ARFIP1: variants seen among roughly 807,000 people sequenced by gnomAD.
ARFIP1 encodes arfaptin-1.
A neutral mutation model predicts 42.5 loss-of-function variants in ARFIP1; 24 were observed. The ratio of observed to expected loss-of-function variants is 0.57; its 90% CI spans 0.41 to 0.80. The LOEUF is 0.80. Ranked by LOEUF, ARFIP1 falls within the 30% of genes least tolerant of loss-of-function variation. The pLI, the probability that ARFIP1 is intolerant of heterozygous loss-of-function variation, is 0.00. For synonymous variants in ARFIP1, 141 were observed against 153.7 expected (o/e 0.92, Z 0.61); for missense variants, 354 against 434.0 (o/e 0.82, Z 1.64).
At chr4:152,844,785 T>G (rs1318266442) in intron 2 of ARFIP1, among the ~76,000 whole-genome samples, 1 of 152,216 alleles carries the variant, frequency 6.6e-6, no homozygotes. Context: ...ATAGCCATAC[T>G]GCCTAAAGCA....
intron 8 of ARFIP1, among the ~76,000 whole-genome samples, chr4:152,898,229 G>A (rs983336243): frequency 2.6e-5 from 4 of 151,844 alleles, no homozygotes; most frequent in Admixed American, 6.6e-5. Context: ...TGATCCACCC[G>A]CCTCGCCCTC....
chr4:152,812,511 C>A (rs1479614353), intron 1 of ARFIP1, among the ~76,000 whole-genome samples: 3 of 152,186 alleles, frequency 2.0e-5, no homozygotes, highest in Non-Finnish European at 1.5e-5. Flanking sequence ...TTTTAATGTT[C>A]CACACGATTC....
intron 1 of ARFIP1, among the ~76,000 whole-genome samples, chr4:152,815,505 T>C (rs6535878): frequency 0.96 from 146,515 of 152,292 alleles, 70,531 homozygotes; most frequent in Non-Finnish European, 0.98. Context: ...TTACCTTCTT[T>C]GCTTGCATAT....
intron 8 of ARFIP1, among the ~76,000 whole-genome samples, chr4:152,904,051 T>C (rs186608786): frequency 6.6e-6 from 1 of 151,872 alleles, no homozygotes; most frequent in Non-Finnish European, 1.5e-5. Context: ...TCTTTTTTTT[T>C]AAGTTATTTT....
intron 3 of ARFIP1, among the ~76,000 whole-genome samples, chr4:152,868,005 TG>T (rs1162316213): frequency 6.6e-6 from 1 of 152,180 alleles, no homozygotes; most frequent in African/African-American, 2.4e-5. Context: ...ATAGGTCTTA[TG>T]AAAAAATGTT....
chr4:152,796,315 C>T (rs1052305473), intron 1 of ARFIP1: 2 of 821,100 alleles, frequency 2.4e-6, no homozygotes, highest in Non-Finnish European at 2.0e-6. Context: ...TCTTGAAATG[C>T]AAGCCCATTG....
chr4:152,833,242 CAAAAAA>C (rs141860697), intron 2 of ARFIP1, among the ~76,000 whole-genome samples: 1 of 136,288 alleles, frequency 7.3e-6, no homozygotes, highest in Non-Finnish European at 1.6e-5. Flanking sequence ...AGACATTTTT[CAAAAAA>C]AAAAAAAAAG....
chr4:152,890,106 A>G (rs1736721528), intron 8 of ARFIP1, among the ~76,000 whole-genome samples: 1 of 151,926 alleles, frequency 6.6e-6, no homozygotes, highest in Non-Finnish European at 1.5e-5. Context: ...TAAAAGAGGT[A>G]TGCTAGAAGA....
intron 1 of ARFIP1, among the ~76,000 whole-genome samples, chr4:152,785,602 A>G (rs1011961683): frequency 2.6e-5 from 4 of 152,230 alleles, no homozygotes; most frequent in Non-Finnish European, 4.4e-5. Flanking sequence ...TGCATCCAGC[A>G]TAAGTATTAT....
chr4:152,851,630 G>T (rs4359885), intron 2 of ARFIP1, among the ~76,000 whole-genome samples: 1 of 152,216 alleles, frequency 6.6e-6, no homozygotes, highest in Non-Finnish European at 1.5e-5. Flanking sequence ...TCACATTTTA[G>T]AAAACTGTCT....
intron 1 of ARFIP1, among the ~76,000 whole-genome samples, chr4:152,820,509 C>T (rs1730283301): frequency 6.6e-6 from 1 of 152,184 alleles, no homozygotes; most frequent in South Asian, 2.1e-4. Context: ...CATGGTTCCA[C>T]AGCCTGTTCA....
intron 1 of ARFIP1, among the ~76,000 whole-genome samples, chr4:152,788,452 G>C (rs1730943824): frequency 6.6e-6 from 1 of 152,040 alleles, no homozygotes; most frequent in Non-Finnish European, 1.5e-5. Context: ...GGTCAAGGCA[G>C]GTGGATTGCT....
chr4:152,790,819 T>C (rs1731105838), intron 1 of ARFIP1, among the ~76,000 whole-genome samples: 1 of 149,478 alleles, frequency 6.7e-6, no homozygotes. Context: ...CTGCAACCTC[T>C]GCCTCCCAGG....
chr4:152,882,656 C>A, intron 6 of ARFIP1, 67 bp from the exon 7 acceptor site: 1 of 1,464,254 alleles, frequency 6.8e-7, no homozygotes, highest in Non-Finnish European at 9.4e-7. Context: ...TAGTGACGTG[C>A]TTGAGATTTT....
intron 1 of ARFIP1, among the ~76,000 whole-genome samples, chr4:152,782,838 G>C (rs76004535): frequency 0.016 from 2,413 of 151,770 alleles, 61 homozygotes; most frequent in African/African-American, 0.055. Context: ...TGAATTATTT[G>C]TTGATTGAGG....
At chr4:152,904,797 A>ATGGGCATT (rs1738167675) in intron 8 of ARFIP1, among the ~76,000 whole-genome samples, 1 of 152,082 alleles carries the variant, frequency 6.6e-6, no homozygotes, top group Non-Finnish European at 1.5e-5. Flanking sequence ...TCTATCATTG[A>ATGGGCATT]TGGGCATTTG....
At chr4:152,874,134 T>C (rs1312137965) in intron 5 of ARFIP1, among the ~76,000 whole-genome samples, 1 of 152,234 alleles carries the variant, frequency 6.6e-6, no homozygotes, top group Non-Finnish European at 1.5e-5. Context: ...TTTGTTCCTA[T>C]GTGTTTATGT....
chr4:152,865,370 CAGG>C (rs1029580579), intron 3 of ARFIP1, among the ~76,000 whole-genome samples: 7 of 152,182 alleles, frequency 4.6e-5, no homozygotes, highest in Non-Finnish European at 7.3e-5. Context: ...CTCCTGAGCT[CAGG>C]CAGTCCTCCT....
chr4:152,912,127 CTAAA>C lies in ARFIP1; in HGVS notation c.*1911_*1914del, dbSNP rs1462939591. ...AATAACAGTTACTGTAGCTAAGGAG[CTAAA>C]TAGTTTCATGGATTAATTTTTTTCA... On this transcript the variant is annotated 3_prime_UTR_variant, in exon 9 of 9. Transcript: ENST00000353617. The C allele has an allele frequency of 2.6e-5, 4 of 151,844 alleles. No individual in the cohort carries two copies. The highest frequency in any genetic ancestry group is 7.3e-5 in the African/African-American group (3 of 41,346). The allele number at this position is 151,844 out of a possible 1,614,324, so 9.4% of individuals were successfully genotyped here. A position where few individuals can be genotyped will look rare whatever the true frequency, so the allele number is the denominator to read the frequency against.
Sources: allele counts gnomAD v4.1 joint callset (sites outside exome capture counted in the v4.1 genomes callset), GRCh38; gene constraint gnomAD v4.1.1; transcripts MANE v1.5; gene names NCBI Gene and HGNC (gene_info 2026-07-23, HGNC 2026-07-21).